ABCA8: variants seen among roughly 807,000 people sequenced by gnomAD.
ABCA8 encodes ATP binding cassette subfamily A member 8.
In ABCA8, 177 loss-of-function variants were observed where a neutral mutation model predicts 192.3. The ratio of observed to expected loss-of-function variants is 0.92; its 90% CI spans 0.81 to 1.04. The LOEUF (loss-of-function observed/expected upper bound fraction) is 1.04. Among genes scored for constraint, ABCA8 ranks in the 50% least tolerant of loss-of-function variants. The pLI is 0.00. For missense variants in ABCA8, 1,915 were observed against 1,904.8 expected, an observed-to-expected ratio of 1.01 and a Z score of -0.10; for synonymous variants, 642 against 690.2, an observed-to-expected ratio of 0.93 and a Z score of 1.09.
At chr17:68,881,659 G>T (rs544339335) in intron 31 of ABCA8, among the ~76,000 whole-genome samples, 143 of 152,324 alleles carry the variant, frequency 9.4e-4, no homozygotes, top group Non-Finnish European at 1.6e-3. Flanking sequence ...AGAGCTTATG[G>T]TTTAGTTGTA....
intron 10 of ABCA8, 112 bp from the exon 11 acceptor site, chr17:68,924,981 G>GTC (rs1436429552): frequency 9.3e-7 from 1 of 1,075,636 alleles, no homozygotes; most frequent in African/African-American, 1.6e-5. Flanking sequence ...TGAACATGTG[G>GTC]TCAACAGCAG....
At chr17:68,915,328 G>C (rs1464008126) in intron 17 of ABCA8, among the ~76,000 whole-genome samples, 1 of 152,022 alleles carries the variant, frequency 6.6e-6, no homozygotes, top group African/African-American at 2.4e-5. Context: ...AAACAATCAA[G>C]TAAAGAGACA....
At chr17:68,920,011 A>G (rs1290853719) in intron 13 of ABCA8, 1 of 152,500 alleles carries the variant, frequency 6.6e-6, no homozygotes, top group East Asian at 1.9e-4. Context: ...AATGCCTATC[A>G]AAGACAGACT....
At chr17:68,912,012 G>C (rs2067237485) in intron 17 of ABCA8, among the ~76,000 whole-genome samples, 1 of 152,070 alleles carries the variant, frequency 6.6e-6, no homozygotes, top group Admixed American at 6.5e-5. Context: ...AGCCCAGACT[G>C]TGAAGACTAC....
intron 9 of ABCA8, 23 bp downstream of exon 9, chr17:68,929,026 T>C (rs1236047112): frequency 6.3e-6 from 9 of 1,433,362 alleles, no homozygotes; most frequent in Middle Eastern, 1.8e-4. Context: ...ATGCCATTAA[T>C]AGACATTCAG....
intron 1 of ABCA8, among the ~76,000 whole-genome samples, chr17:68,951,529 A>G (rs2068568260): frequency 6.6e-6 from 1 of 152,170 alleles, no homozygotes; most frequent in South Asian, 2.1e-4. Flanking sequence ...CTAATGTTAT[A>G]TTTCCTAGAT....
At chr17:68,921,973 A>G (rs1314966518) in intron 12 of ABCA8, among the ~76,000 whole-genome samples, 1 of 152,066 alleles carries the variant, frequency 6.6e-6, no homozygotes, top group Non-Finnish European at 1.5e-5. Context: ...GACTACCTCA[A>G]TATTACCCAG....
intron 37 of ABCA8, among the ~76,000 whole-genome samples, chr17:68,872,970 C>T (rs1251852041): frequency 1.3e-5 from 2 of 152,022 alleles, no homozygotes; most frequent in Non-Finnish European, 2.9e-5. Context: ...TTACAGAACA[C>T]TAAGGTTAAT....
At chr17:68,884,528 G>A in intron 27 of ABCA8, 132 bp from the exon 28 acceptor site, 1 of 1,365,442 alleles carries the variant, frequency 7.3e-7, no homozygotes, top group South Asian at 2.1e-5. Flanking sequence ...CCTTTCTAAA[G>A]TGTATAGCAA....
At chr17:68,946,000 G>A (rs565075891) in intron 2 of ABCA8, among the ~76,000 whole-genome samples, 13 of 151,270 alleles carry the variant, frequency 8.6e-5, no homozygotes, top group African/African-American at 2.9e-4. Flanking sequence ...AATTGTCTTG[G>A]CTCTTCTGGG....
chr17:68,909,855 A>T (rs1240386727), intron 17 of ABCA8, among the ~76,000 whole-genome samples: 3 of 152,202 alleles, frequency 2.0e-5, no homozygotes, highest in Non-Finnish European at 4.4e-5. Context: ...TTCTTTCTTA[A>T]GTATAGATGG....
At position 68,903,431 on chromosome 17, in the gene ABCA8, G is replaced by A. The variant is rs377266833; in HGVS notation, c.2467C>T (p.Gln823Ter). The A allele has an allele frequency of 7.4e-6, 12 of 1,614,020 alleles. No homozygotes were observed. Among genetic ancestry groups the A allele is most frequent in the Non-Finnish European group, 1.0e-5 (12 of 1,180,020 alleles). Residue 823 changes from glutamine to a stop codon, truncating the protein, a stop_gained, in exon 20 of 40, where the codon CAA becomes TAA. Coordinates refer to ENST00000586539, the MANE Select transcript of ABCA8 (RefSeq NM_001288985.2). LOFTEE classifies it high-confidence loss of function. ...DDTERLVEME[Q>*]VLSSLNKMRK... is the part of the protein sequence containing the mutation. ...ATCTTGTTAAGTGAAGAGAGGACTTGTTCCATCTCAACAAGCCTTTCAGTG... is the reference window on the plus strand; with the variant it reads ...ATCTTGTTAAGTGAAGAGAGGACTTATTCCATCTCAACAAGCCTTTCAGTG...
chr17:68,887,407 C>T lies in ABCA8; in HGVS notation c.3244G>A (p.Val1082Ile), dbSNP rs139981915. The change falls in exon 25 of 40, where the codon GTT (valine) becomes ATT (isoleucine). Residue 1082 changes from valine (V) to isoleucine (I), a missense_variant. Transcript: ENST00000586539. ...VDVSLYFLVF[V>I]FIYLMSYISN... ...ATGTAGCTCATTAAATATATAAAAA[C>T]GAAGACCAAGAAGTACAGGGAAACA... 9.1e-5 allele frequency: 146 copies of T among 1,613,092 alleles called. No individual in the cohort carries two copies. The African/African-American group carries it at 1.6e-3, about 18-fold the overall frequency.
At chr17:68,895,126 G>T in intron 21 of ABCA8, 113 bp from the exon 22 acceptor site, 1 of 787,290 alleles carries the variant, frequency 1.3e-6, no homozygotes, top group Non-Finnish European at 1.8e-6. Flanking sequence ...GGACTGTCAG[G>T]ATATTTTCTA....
In ABCA8 at chr17:68,867,798, C is replaced by T. The variant is rs2143159515; in HGVS notation, c.*287G>A. 4.5e-6 allele frequency: 1 copy of T among 222,524 alleles called. No individual in the cohort carries two copies. The highest frequency in any genetic ancestry group is 2.3e-5 in the African/African-American group (1 of 44,234). 13.8% of individuals were successfully genotyped at this position (222,524 alleles called of 1,614,324 possible). On this transcript the variant is annotated 3_prime_UTR_variant, in exon 40 of 40. Transcript: ENST00000586539. ...AAAATTTGTTTATCTTATCTAGAAA[C>T]TTATACGATCATGTAAAAGTAAATT...
intron 18 of ABCA8, among the ~76,000 whole-genome samples, 185 bp from the exon 19 acceptor site, chr17:68,906,348 A>G (rs371387748): frequency 3.3e-5 from 5 of 152,064 alleles, no homozygotes; most frequent in Non-Finnish European, 7.4e-5. Context: ...TCTATTTTAC[A>G]TCATGTGTTA....
chr17:68,941,932 G>A lies in ABCA8; in HGVS notation c.96+7C>T, dbSNP rs1209286737. 4 of 1,580,880 alleles carry A rather than the reference G, an allele frequency of 2.5e-6. No individual in the cohort carries two copies. Among genetic ancestry groups the A allele is most frequent in the East Asian group, 2.2e-5 (1 of 44,690 alleles). On this transcript the variant is annotated splice_region_variant and intron_variant, in intron 3 of 39. Transcript: ENST00000586539. The stretch of plus-strand genomic sequence containing the variant: ...AAATAGAGAATAACACGGATATTGA[G>A]TCATACCATTAAGGACTCTCTTTTC...
At chr17:68,924,272 G>A (rs1181827377) in intron 11 of ABCA8, among the ~76,000 whole-genome samples, 4 of 151,942 alleles carry the variant, frequency 2.6e-5, no homozygotes, top group Non-Finnish European at 5.9e-5. Context: ...CTTGAACCTG[G>A]GAGGTGGAAG....
intron 21 of ABCA8, among the ~76,000 whole-genome samples, chr17:68,902,156 T>C (rs2066932578): frequency 6.6e-6 from 1 of 152,208 alleles, no homozygotes; most frequent in Non-Finnish European, 1.5e-5. Context: ...ATAGATCAAC[T>C]TTGAAAACAT....
Sources: allele counts gnomAD v4.1 joint callset (sites outside exome capture counted in the v4.1 genomes callset), GRCh38; gene constraint gnomAD v4.1.1; transcripts MANE v1.5; gene names NCBI Gene and HGNC (gene_info 2026-07-23, HGNC 2026-07-21).